Variants in LDB2 observed in about 807,000 individuals in gnomAD.
LDB2 encodes LIM domain-binding protein 2.
LDB2 carries 12 observed loss-of-function variants against 44.3 expected under a neutral mutation model. That is an observed-to-expected ratio of 0.27 (90% CI 0.17 to 0.44). LDB2 has a LOEUF of 0.44. Ranked by LOEUF, LDB2 falls within the 20% of genes least tolerant of loss-of-function variation. The pLI, the probability that LDB2 is intolerant of heterozygous loss-of-function variation, is 1.00. For missense variants in LDB2, 344 were observed against 473.5 expected, an observed-to-expected ratio of 0.73 and a Z score of 2.54; for synonymous variants, 164 against 174.8, an observed-to-expected ratio of 0.94 and a Z score of 0.49.
chr4:16,690,585 C>T (rs765388518), intron 2 of LDB2, among the ~76,000 whole-genome samples: 9 of 139,556 alleles, frequency 6.4e-5, no homozygotes, highest in African/African-American at 1.9e-4. Context: ...AGACAGGAAA[C>T]GAAGGAAAGG....
At chr4:16,788,417 C>T (rs543869918) in intron 1 of LDB2, among the ~76,000 whole-genome samples, 94 of 152,356 alleles carry the variant, frequency 6.2e-4, no homozygotes, top group African/African-American at 2.2e-3. Flanking sequence ...AAAGAAAATA[C>T]TTGCTATGCT....
chr4:16,579,240 A>C (rs2152415043), intron 5 of LDB2, among the ~76,000 whole-genome samples: 1 of 152,350 alleles, frequency 6.6e-6, no homozygotes, highest in South Asian at 2.1e-4. Context: ...ATTTACCTTG[A>C]TGTGATTATG....
intron 2 of LDB2, among the ~76,000 whole-genome samples, chr4:16,632,103 T>C (rs1005776663): frequency 1.3e-5 from 2 of 152,220 alleles, no homozygotes; most frequent in Non-Finnish European, 2.9e-5. Context: ...AGCATCATCC[T>C]GATACCAAAG....
intron 1 of LDB2, among the ~76,000 whole-genome samples, chr4:16,795,942 G>A (rs923769710): frequency 2.0e-5 from 3 of 152,148 alleles, no homozygotes; most frequent in African/African-American, 7.2e-5. Context: ...AATGTTTGGG[G>A]TACTGAGAGG....
intron 2 of LDB2, among the ~76,000 whole-genome samples, chr4:16,710,047 C>T (rs1438114170): frequency 6.6e-6 from 1 of 152,192 alleles, no homozygotes; most frequent in Non-Finnish European, 1.5e-5. Flanking sequence ...TTGGCACATA[C>T]ACTACCAAGT....
chr4:16,748,459 C>T (rs909342366), intron 2 of LDB2, among the ~76,000 whole-genome samples: 5 of 152,140 alleles, frequency 3.3e-5, no homozygotes, highest in African/African-American at 9.7e-5. Context: ...ATAAAACATA[C>T]CCTGATGGGT....
chr4:16,681,033 C>G (rs1429661642), intron 2 of LDB2, among the ~76,000 whole-genome samples: 4 of 152,186 alleles, frequency 2.6e-5, no homozygotes, highest in African/African-American at 9.7e-5. Flanking sequence ...TAATACAAAT[C>G]TAGGTACTGC....
At chr4:16,585,228 G>A (rs1317548969) in intron 5 of LDB2, among the ~76,000 whole-genome samples, 5 of 152,166 alleles carry the variant, frequency 3.3e-5, no homozygotes, top group East Asian at 1.9e-4. Flanking sequence ...GGGAGCACCC[G>A]CCGTCCACCC....
In LDB2 at chr4:16,879,076, A is replaced by G. The variant is rs112255467; in HGVS notation, c.132+19278T>C. Among the ~76,000 whole-genome samples the G allele has an allele frequency of 2.5e-4, 38 of 152,300 alleles. No homozygotes were observed. In the Middle Eastern group the frequency reaches 0.01, roughly 41 times the overall value. On this transcript the variant is annotated intron_variant, in intron 1 of 7. Transcript: ENST00000304523. ...TGTAAATTTCCTGCAAGAAATGCCA[A>G]TGTCTGTTTTTATGCGGTATTGTAT...
chr4:16,799,719 C>T (rs1777406621), intron 1 of LDB2, among the ~76,000 whole-genome samples: 1 of 152,208 alleles, frequency 6.6e-6, no homozygotes, highest in Non-Finnish European at 1.5e-5. Context: ...TTGTAATACA[C>T]AGCTACACCT....
rs750215314 is a variant in LDB2, at chr4:16,881,143, C to T, written c.132+17211G>A. ...GAGACTCAAGACCTTCTGTAACCTA[C>T]CTGGGCCTCAGTGTCTTCATCTGTA... On this transcript the variant is annotated intron_variant, in intron 1 of 7. Coordinates refer to ENST00000304523, the MANE Select transcript of LDB2 (RefSeq NM_001290.5). Among the ~76,000 whole-genome samples the T allele has an allele frequency of 1.8e-4, 27 of 152,158 alleles. 1 individual carries two copies. The highest frequency in any genetic ancestry group is 2.0e-4 in the Admixed American group (3 of 15,286).
intron 5 of LDB2, among the ~76,000 whole-genome samples, chr4:16,544,302 G>T (rs1227580796): frequency 6.6e-6 from 1 of 152,192 alleles, no homozygotes; most frequent in Non-Finnish European, 1.5e-5. Flanking sequence ...GCCAGCGGCA[G>T]GGAGCATGCT....
chr4:16,582,000 G>GGGAAGGAAGGAAGGAA (rs35585551), intron 5 of LDB2, among the ~76,000 whole-genome samples: 64 of 103,894 alleles, frequency 6.2e-4, no homozygotes, highest in African/African-American at 1.2e-3. Flanking sequence ...AGGGAAGGAA[G>GGGAAGGAAGGAAGGAA]GGAAGGAAGG....
chr4:16,726,656 A>G (rs951634326), intron 2 of LDB2, among the ~76,000 whole-genome samples: 8 of 152,184 alleles, frequency 5.3e-5, no homozygotes, highest in Non-Finnish European at 1.0e-4. Context: ...CCGAATCACA[A>G]TATATTATTT....
chr4:16,720,684 C>T lies in LDB2; in HGVS notation c.235+38474G>A, dbSNP rs73799255. On this transcript the variant is annotated intron_variant, in intron 2 of 7. Transcript: ENST00000304523. The stretch of plus-strand genomic sequence containing the variant: ...TTAATTAGGAAGCTTTAACCATATG[C>T]ACCATAAATAAGCAATATGGATGTT... Among the ~76,000 whole-genome samples, 300 of 152,178 alleles carry T rather than the reference C, an allele frequency of 2.0e-3. 1 individual carries two copies. The highest frequency in any genetic ancestry group is 6.6e-3 in the African/African-American group (276 of 41,532).
At chr4:16,733,901 T>C (rs916163337) in intron 2 of LDB2, among the ~76,000 whole-genome samples, 3 of 152,200 alleles carry the variant, frequency 2.0e-5, no homozygotes, top group Non-Finnish European at 2.9e-5. Flanking sequence ...AAAATATTGT[T>C]ATTAGTGGTA....
At chr4:16,557,747 T>C (rs1577684211) in intron 5 of LDB2, among the ~76,000 whole-genome samples, 1 of 152,164 alleles carries the variant, frequency 6.6e-6, no homozygotes, top group Non-Finnish European at 1.5e-5. Context: ...GATCTGAGAA[T>C]GGGCAGACTG....
At chr4:16,752,515 A>G (rs988172415) in intron 2 of LDB2, 3 of 415,872 alleles carry the variant, frequency 7.2e-6, no homozygotes, top group African/African-American at 6.3e-5. Flanking sequence ...AGTTCTTCCC[A>G]CTATGTGCCA....
At chr4:16,509,802 G>T (rs914448745) in intron 6 of LDB2, among the ~76,000 whole-genome samples, 1 of 152,134 alleles carries the variant, frequency 6.6e-6, no homozygotes, top group Non-Finnish European at 1.5e-5. Context: ...AAATAAGAGG[G>T]CCTTGTAGCA....
Sources: gnomAD v4.1 joint callset for allele counts (sites outside exome capture counted in the v4.1 genomes callset) on GRCh38, gnomAD v4.1.1 for gene constraint, MANE v1.5 for transcripts, NCBI Gene and HGNC (gene_info 2026-07-23, HGNC 2026-07-21) for gene names.